Variants in DLGAP1 observed in about 807,000 individuals in gnomAD.
DLGAP1 encodes disks large-associated protein 1.
Under a neutral mutation model 90.8 loss-of-function variants are expected in DLGAP1, and 11 were observed. The ratio of observed to expected loss-of-function variants is 0.12; its 90% confidence interval spans 0.08 to 0.20. The LOEUF (loss-of-function observed/expected upper bound fraction) is 0.20, where lower values mean the gene tolerates loss of function less well. Ranked by LOEUF, DLGAP1 falls within the 10% of genes least tolerant of loss-of-function variation. The pLI, the probability that DLGAP1 is intolerant of heterozygous loss-of-function variation, is 1.00. For missense variants in DLGAP1, 1,050 were observed against 1,333.8 expected, an observed-to-expected ratio of 0.79 and a Z score of 3.31; for synonymous variants, 558 against 540.7, an observed-to-expected ratio of 1.03 and a Z score of -0.44.
At chr18:3,876,687 A>T (rs1442890974) in intron 4 of DLGAP1, among the ~76,000 whole-genome samples, 1 of 152,214 alleles carries the variant, frequency 6.6e-6, no homozygotes, top group Non-Finnish European at 1.5e-5. Context: ...TTAGTTCTGT[A>T]TGACGGGTGA....
rs528289973 is a variant in DLGAP1 at position 4,383,582 on chromosome 18, C to T, written c.-267+71424G>A. ...ACTTAGACAAAACCGAGTATCCTTG[C>T]TCATTAAAAAAAAAGGGATGTTTAC... is the stretch of plus-strand genomic sequence containing the variant. On this transcript the variant is annotated intron_variant, in intron 1 of 12. Transcript: ENST00000315677. This position sits in a 1 kb window ranked among gnomAD's most constrained non-coding sequence, Gnocchi z 4.0. Among the ~76,000 whole-genome samples the T allele has an allele frequency of 2.2e-4, 33 of 151,442 alleles. No individual in the cohort carries two copies. Among genetic ancestry groups the T allele is most frequent in the Non-Finnish European group, 3.4e-4 (23 of 67,872 alleles).
At chr18:4,436,482 C>A (rs540793778) in intron 1 of DLGAP1, among the ~76,000 whole-genome samples, 1 of 152,092 alleles carries the variant, frequency 6.6e-6, no homozygotes, top group Non-Finnish European at 1.5e-5. Context: ...TGGTCCAGAA[C>A]CCATACTTTG....
At chr18:3,914,520 C>T (rs1167391844) in intron 3 of DLGAP1, among the ~76,000 whole-genome samples, 1 of 152,174 alleles carries the variant, frequency 6.6e-6, no homozygotes, top group African/African-American at 2.4e-5. Context: ...TGCAGCTCTC[C>T]CTTCAACTAC....
At chr18:4,427,284 T>C (rs2083178981) in intron 1 of DLGAP1, among the ~76,000 whole-genome samples, 1 of 152,146 alleles carries the variant, frequency 6.6e-6, no homozygotes, top group Admixed American at 6.5e-5. Context: ...TAAGTCCACC[T>C]TGGGAGAAGG....
intron 5 of DLGAP1, among the ~76,000 whole-genome samples, chr18:3,796,656 G>A (rs747923548): frequency 1.8e-4 from 27 of 152,156 alleles, no homozygotes; most frequent in Non-Finnish European, 3.2e-4. Flanking sequence ...AGTAACAGCC[G>A]CTTAGCCACT....
At chr18:3,999,703 G>A (rs1197210548) in intron 3 of DLGAP1, among the ~76,000 whole-genome samples, 1 of 60,580 alleles carries the variant, frequency 1.7e-5, no homozygotes, top group African/African-American at 6.7e-5. Context: ...TTCAAGTGTC[G>A]CTTACAAATT....
At chr18:4,151,897 A>C (rs753831647) in intron 1 of DLGAP1, among the ~76,000 whole-genome samples, 1 of 152,238 alleles carries the variant, frequency 6.6e-6, no homozygotes, top group Non-Finnish European at 1.5e-5. Flanking sequence ...TGATGGGTGC[A>C]GCAAACCACC....
intron 3 of DLGAP1, among the ~76,000 whole-genome samples, chr18:3,945,387 C>T (rs1234087836): frequency 6.6e-6 from 1 of 152,162 alleles, no homozygotes; most frequent in African/African-American, 2.4e-5. Flanking sequence ...ACTCTTTGAT[C>T]GTTCCATATT....
At chr18:4,190,924 T>G (rs1009112578) in intron 1 of DLGAP1, among the ~76,000 whole-genome samples, 1 of 152,168 alleles carries the variant, frequency 6.6e-6, no homozygotes, top group South Asian at 2.1e-4. Flanking sequence ...ATTTTCATTT[T>G]GAAATATTTC....
chr18:3,951,605 G>T (rs949479016), intron 3 of DLGAP1, among the ~76,000 whole-genome samples: 2 of 152,160 alleles, frequency 1.3e-5, no homozygotes, highest in East Asian at 3.8e-4. Context: ...ATATGGTTTG[G>T]CTGTGTCTTT....
intron 10 of DLGAP1, among the ~76,000 whole-genome samples, chr18:3,532,461 C>A (rs1002981811): frequency 2.6e-5 from 4 of 151,892 alleles, no homozygotes; most frequent in Non-Finnish European, 4.4e-5. Flanking sequence ...TGCCTGTAAT[C>A]CCAGCTACCT....
intron 10 of DLGAP1, among the ~76,000 whole-genome samples, chr18:3,521,725 C>T (rs182064214): frequency 4.0e-4 from 61 of 152,264 alleles, no homozygotes; most frequent in African/African-American, 1.3e-3. Flanking sequence ...GTCAGATTTC[C>T]GACCAGAATG....
intron 1 of DLGAP1, among the ~76,000 whole-genome samples, chr18:4,420,758 C>G (rs771383822): frequency 2.6e-5 from 4 of 152,214 alleles, no homozygotes; most frequent in Non-Finnish European, 5.9e-5. Context: ...CATACTATTG[C>G]TAAATTCAAC....
intron 1 of DLGAP1, among the ~76,000 whole-genome samples, chr18:4,261,251 C>A (rs1008466371): frequency 4.6e-5 from 7 of 152,166 alleles, no homozygotes; most frequent in African/African-American, 1.7e-4. Flanking sequence ...CCGTCCAAGT[C>A]GGACTCTATG....
intron 8 of DLGAP1, chr18:3,571,075 T>G (rs2054754912): frequency 6.6e-6 from 1 of 152,028 alleles, no homozygotes; most frequent in Non-Finnish European, 1.5e-5. Context: ...AAAATCATAT[T>G]GGAATTTTTA....
intron 7 of DLGAP1, among the ~76,000 whole-genome samples, chr18:3,678,437 T>G (rs1172383004): frequency 1.3e-5 from 2 of 152,126 alleles, no homozygotes; most frequent in Non-Finnish European, 2.9e-5. Context: ...CATCTCTCCT[T>G]TACCGTTGTG....
At chr18:3,910,138 T>A (rs753901694) in intron 3 of DLGAP1, among the ~76,000 whole-genome samples, 48 of 150,276 alleles carry the variant, frequency 3.2e-4, no homozygotes, top group Non-Finnish European at 5.5e-4. Flanking sequence ...CTATCTAGTA[T>A]CCCTGGCTAA....
intron 7 of DLGAP1, among the ~76,000 whole-genome samples, chr18:3,621,772 A>G (rs142798981): frequency 6.8e-4 from 104 of 152,326 alleles, no homozygotes; most frequent in Admixed American, 1.1e-3. Flanking sequence ...AATTTGGCTA[A>G]GGTTTTTCTT....
At chr18:4,421,588 A>G (rs1225212371) in intron 1 of DLGAP1, among the ~76,000 whole-genome samples, 1 of 152,232 alleles carries the variant, frequency 6.6e-6, no homozygotes, top group African/African-American at 2.4e-5. Context: ...CTATGGAGTT[A>G]AAGAGGATTC....
Sources: gnomAD v4.1 joint callset for allele counts (sites outside exome capture counted in the v4.1 genomes callset) on GRCh38, gnomAD v4.1.1 for gene constraint, Gnocchi (gnomAD v3.1) non-coding constraint, MANE v1.5 for transcripts, NCBI Gene and HGNC (gene_info 2026-07-23, HGNC 2026-07-21) for gene names.